Variants in LRTM1 observed in about 807,000 individuals in gnomAD.
LRTM1 encodes leucine rich repeat transmembrane protein 1, also known as leucine-rich repeat and transmembrane domain-containing protein 1.
LRTM1 carries 38 observed loss-of-function variants against 32.4 expected under a neutral mutation model. The ratio of observed to expected loss-of-function variants is 1.17; its 90% CI spans 0.91 to 1.54. LRTM1 has a LOEUF of 1.54. Ranked by LOEUF, LRTM1 falls within the 40% of genes most tolerant of loss-of-function variation. LRTM1 has a pLI of 0.00. For synonymous variants in LRTM1, 186 were observed against 169.9 expected (o/e 1.09, Z -0.74); for missense variants, 466 against 415.4 (o/e 1.12, Z -1.06).
chr3:54,949,572 C>T (rs1457730107), intron 1 of LRTM1, among the ~76,000 whole-genome samples: 1 of 152,196 alleles, frequency 6.6e-6, no homozygotes, highest in Admixed American at 6.5e-5. Flanking sequence ...CCATTGATGC[C>T]ATACCCAAGG....
chr3:54,928,856 A>T (rs1001636382), upstream of LRTM1, among the ~76,000 whole-genome samples: 2 of 152,154 alleles, frequency 1.3e-5, no homozygotes, highest in Non-Finnish European at 2.9e-5. Flanking sequence ...CCCTGTGAGC[A>T]TCAGGCGTCA....
chr3:54,954,736 CTTTG>C (rs2107026434), intron 1 of LRTM1, among the ~76,000 whole-genome samples: 2 of 152,310 alleles, frequency 1.3e-5, no homozygotes, highest in Non-Finnish European at 2.9e-5. Context: ...GAATCTGCTT[CTTTG>C]TTCTCTGGAT....
chr3:54,949,940 C>T (rs1047957736), intron 1 of LRTM1, among the ~76,000 whole-genome samples: 7 of 152,200 alleles, frequency 4.6e-5, no homozygotes, highest in African/African-American at 1.7e-4. Context: ...AATAATGTTT[C>T]TCTAGCTATT....
intron 2 of LRTM1, among the ~76,000 whole-genome samples, chr3:54,920,920 G>A (rs549528624): frequency 6.6e-6 from 1 of 152,278 alleles, no homozygotes; most frequent in South Asian, 2.1e-4. Flanking sequence ...TCTGGACCCA[G>A]AGCCAAGGAA....
rs1165704542 is a variant in LRTM1, at chr3:54,918,344, T to C, written c.*115A>G. 1.3e-4 allele frequency: 48 copies of C among 383,912 alleles called. No individual in the cohort carries two copies. The highest frequency in any genetic ancestry group is 7.0e-4 in the East Asian group (13 of 18,564). The allele number at this position is 383,912 out of a possible 1,614,324, so 23.8% of individuals were successfully genotyped here. On this transcript the variant is annotated 3_prime_UTR_variant, in exon 3 of 3. Transcript: ENST00000273286. Reference sequence around the variant, plus strand: ...ATCTTTTTTTTTTCTTTTTTTTTTTTTTTTTTTTTTTGTCTTTTGGCAAAA... The same window carrying C: ...ATCTTTTTTTTTTCTTTTTTTTTTTCTTTTTTTTTTTGTCTTTTGGCAAAA...
Position 54,938,183 on chromosome 3 carries a change from G to T in LRTM1, c.-221-12968C>A, listed in dbSNP as rs569772683. On this transcript the variant is annotated intron_variant, in intron 1 of 2. Transcript: ENST00000493075. ...CACCACATCAGTGCCTGGGTCCAGT[G>T]CAGTCAAGGAAGAACCAGCCCTGCT... Among the ~76,000 whole-genome samples, 122 of 152,354 alleles carry T rather than the reference G, an allele frequency of 8.0e-4. 1 individual carries two copies. In the South Asian group the frequency reaches 0.012, roughly 15 times the overall value.
chr3:54,949,487 A>C (rs1291172079), intron 1 of LRTM1, among the ~76,000 whole-genome samples: 1 of 152,148 alleles, frequency 6.6e-6, no homozygotes, highest in Non-Finnish European at 1.5e-5. Context: ...ATCGTTCATT[A>C]TTGGTTTATG....
intron 1 of LRTM1, among the ~76,000 whole-genome samples, chr3:54,927,588 ATTCT>A (rs1277051083): frequency 2.6e-5 from 4 of 152,136 alleles, no homozygotes; most frequent in African/African-American, 7.2e-5. Flanking sequence ...CAATTTGTTC[ATTCT>A]TTCTTTGGTT....
In LRTM1 at chr3:54,918,411, C is replaced by A; in HGVS notation, c.*48G>T. On this transcript the variant is annotated 3_prime_UTR_variant, in exon 3 of 3. Transcript: ENST00000273286. ...AGGAAACACATCAGCCCTACTCAGA[C>A]ACTATCTTCTGGCCTGCAATGACCA... The A allele has an allele frequency of 6.9e-7, 1 of 1,439,924 alleles. No individual in the cohort carries two copies. The highest frequency in any genetic ancestry group is 9.4e-7 in the Non-Finnish European group (1 of 1,063,950). 89.2% of individuals were successfully genotyped at this position (1,439,924 alleles called of 1,614,324 possible).
chr3:54,935,947 C>T (rs1266984978), intron 1 of LRTM1, among the ~76,000 whole-genome samples: 1 of 152,094 alleles, frequency 6.6e-6, no homozygotes, highest in African/African-American at 2.4e-5. Flanking sequence ...TTTGTGAGTC[C>T]AATCATTTCA....
At chr3:54,921,239 G>A (rs977649495) in intron 2 of LRTM1, among the ~76,000 whole-genome samples, 5 of 152,058 alleles carry the variant, frequency 3.3e-5, no homozygotes, top group African/African-American at 9.7e-5. Flanking sequence ...TGAACATTAC[G>A]TAGCTGTGCA....
intron 1 of LRTM1, among the ~76,000 whole-genome samples, chr3:54,948,176 T>G (rs920818047): frequency 1.6e-4 from 25 of 152,152 alleles, no homozygotes; most frequent in African/African-American, 5.8e-4. Flanking sequence ...CAGCTCACTT[T>G]CCCCTGGTTG....
intron 1 of LRTM1, among the ~76,000 whole-genome samples, chr3:54,933,864 G>C (rs141864067): frequency 0.02 from 2,971 of 151,556 alleles, 42 homozygotes; most frequent in Middle Eastern, 0.056. Context: ...CACCTCCCAG[G>C]TTCAAGCAAT....
At chr3:54,923,981 G>A (rs1296451345) in intron 2 of LRTM1, among the ~76,000 whole-genome samples, 7 of 152,220 alleles carry the variant, frequency 4.6e-5, no homozygotes, top group Non-Finnish European at 1.0e-4. Flanking sequence ...TACAGAAACG[G>A]GAGATGGGCT....
chr3:54,945,970 G>A (rs1273839482), intron 1 of LRTM1, among the ~76,000 whole-genome samples: 1 of 152,226 alleles, frequency 6.6e-6, no homozygotes, highest in East Asian at 1.9e-4. Flanking sequence ...CTTCACAAGA[G>A]TTCTTTGCCA....
intron 1 of LRTM1, among the ~76,000 whole-genome samples, chr3:54,936,357 C>G (rs1701328856): frequency 6.6e-6 from 1 of 152,104 alleles, no homozygotes; most frequent in African/African-American, 2.4e-5. Context: ...TATTATAAAG[C>G]CTTTGTGTGT....
intron 2 of LRTM1, among the ~76,000 whole-genome samples, chr3:54,920,340 C>G (rs1373779667): frequency 6.6e-6 from 1 of 152,182 alleles, no homozygotes; most frequent in Non-Finnish European, 1.5e-5. Context: ...CCCAACACAC[C>G]AGGGTGAGTG....
At position 54,918,824 on chromosome 3, in the gene LRTM1, G is replaced by A. The variant is rs200529761; in HGVS notation, c.673C>T (p.Pro225Ser). 28 of 1,600,718 alleles carry A rather than the reference G, an allele frequency of 1.7e-5. No individual in the cohort carries two copies. The Admixed American group carries it at 4.6e-4, about 26-fold the overall frequency. Reference sequence around the variant, plus strand: ...GGGCAGGGCTGGTACAGCTCATGAGGGATCCTAAGGAGGTCCTTTCCCTTC... The same window carrying A: ...GGGCAGGGCTGGTACAGCTCATGAGAGATCCTAAGGAGGTCCTTTCCCTTC... ...TWKGKDLLRI[P>S]HELYQPCPLP... The change falls in exon 3 of 3, where the codon CCT (proline) becomes TCT (serine). Residue 225 changes from proline to serine, a missense_variant. By Grantham distance (74) the Pro-to-Ser change is moderately conservative. Transcript: ENST00000273286.
chr3:54,919,497 A>C (rs1412316765), intron 2 of LRTM1, among the ~76,000 whole-genome samples: 1 of 152,208 alleles, frequency 6.6e-6, no homozygotes, highest in African/African-American at 2.4e-5. Context: ...AGGCCTCAGA[A>C]CATTTACGGC....
Sources: allele counts gnomAD v4.1 joint callset (sites outside exome capture counted in the v4.1 genomes callset), GRCh38; gene constraint gnomAD v4.1.1; transcripts MANE v1.5; gene names NCBI Gene and HGNC (gene_info 2026-07-23, HGNC 2026-07-21).